POLR3B: variants seen among roughly 807,000 people sequenced by gnomAD.
POLR3B encodes RNA polymerase III subunit B.
POLR3B carries 96 observed loss-of-function variants against 147.4 expected under a neutral mutation model. The observed-to-expected ratio is 0.65, with a 90% CI of 0.55 to 0.77. POLR3B has a LOEUF of 0.77. Among genes scored for constraint, POLR3B ranks in the 30% least tolerant of loss-of-function variants. POLR3B has a pLI of 0.00. For synonymous variants in POLR3B, 461 were observed against 485.9 expected (o/e 0.95, Z 0.67); for missense variants, 1,036 against 1,413.5 (o/e 0.73, Z 4.28).
At chr12:106,480,780 T>C (rs2038256000) in intron 23 of POLR3B, among the ~76,000 whole-genome samples, 1 of 151,936 alleles carries the variant, frequency 6.6e-6, no homozygotes, top group Non-Finnish European at 1.5e-5. Flanking sequence ...GTAAACAAAA[T>C]AGATTAAAGT....
rs564316643 is a variant in POLR3B, at chr12:106,498,582, G to GTTT, written c.2984+1670_2984+1672dup. Among the ~76,000 whole-genome samples the GTTT allele has an allele frequency of 6.0e-3, 892 of 147,700 alleles. 24 individuals are homozygous for GTTT. Among genetic ancestry groups the GTTT allele is most frequent in the African/African-American group, 0.015 (582 of 39,742 alleles). On this transcript the variant is annotated intron_variant, in intron 25 of 27. Coordinates refer to ENST00000228347, the MANE Select transcript of POLR3B (RefSeq NM_018082.6). ...GAGTTTTTTTTGTTTTTTGGGGTTT[G>GTTT]TTTTTTTTGTTTTTTTGAGACAGAG... is the stretch of plus-strand genomic sequence containing the variant.
chr12:106,432,573 C>T, intron 15 of POLR3B, 93 bp downstream of exon 15: 1 of 1,065,414 alleles, frequency 9.4e-7, no homozygotes, highest in Admixed American at 1.7e-5. Context: ...CACAGATAGA[C>T]TTTAATTCTG....
rs1316545223 is a variant in POLR3B, at chr12:106,504,702, CA to C, written c.3272+450del. Among the ~76,000 whole-genome samples, 1 of 152,176 alleles carries C rather than the reference CA, an allele frequency of 6.6e-6. No homozygotes were observed. Among genetic ancestry groups the C allele is most frequent in the African/African-American group, 2.4e-5 (1 of 41,440 alleles). On this transcript the variant is annotated intron_variant, in intron 27 of 27. Transcript: ENST00000228347. The surrounding 1 kb of genome is among the most constrained non-coding windows in gnomAD (Gnocchi z 4.6). ...GCAAATTGGTGACAGAGCCAAGAGC[CA>C]AGACCAAGACGACCTGGTACCCTGC...
At chr12:106,368,969 A>G (rs1244473312) in intron 4 of POLR3B, among the ~76,000 whole-genome samples, 2 of 151,908 alleles carry the variant, frequency 1.3e-5, no homozygotes, top group Non-Finnish European at 2.9e-5. Flanking sequence ...AAATGATAGC[A>G]TATCATCAGT....
At position 106,363,727 on chromosome 12, in the gene POLR3B, CAT is replaced by C. The variant is rs372148788; in HGVS notation, c.73-142_73-141del. ...ATACATATTTATATGCATATGCACA[CAT>C]GTGATTTCCATAAAAATGTTTAAAA... On this transcript the variant is annotated intron_variant, in intron 1 of 27. Transcript: ENST00000228347. 3.7e-4 allele frequency: 268 copies of C among 716,894 alleles called. 4 individuals carry two copies. The African/African-American group carries it at 4.1e-3, about 11-fold the overall frequency. The allele number at this position is 716,894 out of a possible 1,614,324, so 44.4% of individuals were successfully genotyped here.
chr12:106,361,479 G>A (rs936492324), intron 1 of POLR3B, among the ~76,000 whole-genome samples: 2 of 152,180 alleles, frequency 1.3e-5, no homozygotes, highest in Non-Finnish European at 2.9e-5. Flanking sequence ...TCACTGCCCA[G>A]TCAATAGTTG....
At chr12:106,488,306 T>C (rs1292537127) in intron 23 of POLR3B, among the ~76,000 whole-genome samples, 1 of 152,246 alleles carries the variant, frequency 6.6e-6, no homozygotes, top group Non-Finnish European at 1.5e-5. Flanking sequence ...GGACCTTTGA[T>C]TAAGAATCTC....
intron 12 of POLR3B, among the ~76,000 whole-genome samples, chr12:106,412,748 T>C (rs1359470829): frequency 6.6e-6 from 1 of 152,218 alleles, no homozygotes; most frequent in East Asian, 1.9e-4. Flanking sequence ...TGCAGGCATA[T>C]GCAGAACTGC....
At chr12:106,420,317 G>T (rs1446686504) in intron 12 of POLR3B, among the ~76,000 whole-genome samples, 2 of 152,010 alleles carry the variant, frequency 1.3e-5, no homozygotes, top group African/African-American at 4.8e-5. Flanking sequence ...TTCTTCCTTG[G>T]GTTCTCTCCT....
intron 23 of POLR3B, among the ~76,000 whole-genome samples, chr12:106,485,408 C>T (rs1252422557): frequency 6.6e-6 from 1 of 152,146 alleles, no homozygotes. Context: ...CGAGATCTAA[C>T]TTACAACTTC....
At chr12:106,483,477 A>G (rs1332871801) in intron 23 of POLR3B, among the ~76,000 whole-genome samples, 1 of 152,240 alleles carries the variant, frequency 6.6e-6, no homozygotes. Flanking sequence ...AAAGATGGAT[A>G]CGAAGGATTA....
At chr12:106,489,783 G>A (rs1378400218) in intron 23 of POLR3B, among the ~76,000 whole-genome samples, 1 of 152,188 alleles carries the variant, frequency 6.6e-6, no homozygotes, top group African/African-American at 2.4e-5. Flanking sequence ...TACTCGTGTA[G>A]TACTTGAGAC....
chr12:106,465,661 G>A (rs1398361892), intron 23 of POLR3B, among the ~76,000 whole-genome samples: 7 of 152,098 alleles, frequency 4.6e-5, no homozygotes, highest in Admixed American at 4.6e-4. Flanking sequence ...CCCTCCCTGT[G>A]TCCAAGTGTT....
intron 20 of POLR3B, among the ~76,000 whole-genome samples, chr12:106,455,243 A>G (rs1343388846): frequency 6.6e-6 from 1 of 152,146 alleles, no homozygotes; most frequent in African/African-American, 2.4e-5. Flanking sequence ...CAATACTTTC[A>G]CAAGTCACCA....
chr12:106,454,428 T>A, intron 19 of POLR3B, 74 bp from the exon 20 acceptor site: 1 of 773,600 alleles, frequency 1.3e-6, no homozygotes, highest in Non-Finnish European at 2.3e-6. Context: ...AATGTATTTA[T>A]CTCTATATTC....
intron 9 of POLR3B, among the ~76,000 whole-genome samples, chr12:106,387,430 T>A (rs758935646): frequency 1.8e-4 from 28 of 152,236 alleles, no homozygotes; most frequent in Non-Finnish European, 1.5e-5. Context: ...CATTGCTGAT[T>A]GTTTTGTAAG....
chr12:106,446,157 A>C (rs2037720072), intron 19 of POLR3B: 1 of 446,592 alleles, frequency 2.2e-6, no homozygotes, highest in Non-Finnish European at 4.5e-6. Flanking sequence ...TGTGTCATGA[A>C]AGGGCTATCA....
At chr12:106,462,193 ACTGTCCAT>A (rs1394908893) in intron 22 of POLR3B, among the ~76,000 whole-genome samples, 1 of 151,920 alleles carries the variant, frequency 6.6e-6, no homozygotes, top group Non-Finnish European at 1.5e-5. Flanking sequence ...GTTCTTGTTA[ACTGTCCAT>A]CTGCCTCCAG....
intron 23 of POLR3B, among the ~76,000 whole-genome samples, chr12:106,482,291 A>G (rs1458905728): frequency 1.3e-5 from 2 of 152,218 alleles, no homozygotes; most frequent in African/African-American, 4.8e-5. Context: ...AATATCCAGA[A>G]TACCTTGTTG....
Sources: gnomAD v4.1 joint callset for allele counts (sites outside exome capture counted in the v4.1 genomes callset) on GRCh38, gnomAD v4.1.1 for gene constraint, Gnocchi (gnomAD v3.1) non-coding constraint, MANE v1.5 for transcripts, NCBI Gene and HGNC (gene_info 2026-07-23, HGNC 2026-07-21) for gene names.